Variants in ARAP2 observed in about 807,000 individuals in gnomAD.
ARAP2 encodes the protein arf-GAP with Rho-GAP domain, ANK repeat and PH domain-containing protein 2.
In ARAP2, 148 loss-of-function variants were observed where a neutral mutation model predicts 194.5. That is an observed-to-expected ratio of 0.76 (90% CI 0.67 to 0.87). ARAP2 has a LOEUF of 0.87. Among genes scored for constraint, ARAP2 ranks in the 40% least tolerant of loss-of-function variants. The pLI, the probability that ARAP2 is intolerant of heterozygous loss-of-function variation, is 0.00. For synonymous variants in ARAP2, 695 were observed against 683.5 expected (o/e 1.02, Z -0.26); for missense variants, 2,128 against 1,989.7 (o/e 1.07, Z -1.32).
At chr4:36,156,463 AAGAAAT>A (rs1732547293) in intron 15 of ARAP2, among the ~76,000 whole-genome samples, 1 of 4,482 alleles carries the variant, frequency 2.2e-4, no homozygotes, top group African/African-American at 1.2e-3. Flanking sequence ...GAAAGAAAGA[AAGAAAT>A]GAAAGAGAAG....
chr4:36,043,958 G>T (rs923360857), intron 5 of ARAP2, among the ~76,000 whole-genome samples: 1 of 151,892 alleles, frequency 6.6e-6, no homozygotes, highest in Non-Finnish European at 1.5e-5. Flanking sequence ...GAATTGAATT[G>T]TCTGAGATAC....
Position 36,228,105 on chromosome 4 carries a change from C to T in ARAP2, c.905+477G>A, listed in dbSNP as rs191250147. 7.9e-5 allele frequency among the ~76,000 whole-genome samples: 12 copies of T among 152,248 alleles called. No homozygotes were observed. The South Asian group carries it at 1.5e-3, about 18-fold the overall frequency. ...GTATTCCTCTTTGCATCCTTCCCAC[C>T]GAGCACAGTGACTAAAGACCAAGTT... On this transcript the variant is annotated intron_variant, in intron 2 of 32. Transcript: ENST00000303965.
At position 36,073,684 on chromosome 4, in the gene ARAP2, C is replaced by T. The variant is rs1727570952; in HGVS notation, c.4743+5G>A. The T allele has an allele frequency of 1.2e-6, 2 of 1,610,074 alleles. No homozygotes were observed. Among genetic ancestry groups the T allele is most frequent in the Non-Finnish European group, 1.7e-6 (2 of 1,177,552 alleles). On this transcript the variant is annotated splice_donor_5th_base_variant and intron_variant, in intron 32 of 32. Transcript: ENST00000303965. Reference sequence around the variant, plus strand: ...GAATATAAAACAAACAAAATCCTAACCTACCTCAATATTTTTCCGGGCCAA... The same window carrying T: ...GAATATAAAACAAACAAAATCCTAATCTACCTCAATATTTTTCCGGGCCAA...
intron 1 of ARAP2, among the ~76,000 whole-genome samples, chr4:36,236,112 G>A (rs1315836404): frequency 2.0e-5 from 3 of 151,338 alleles, no homozygotes; most frequent in South Asian, 4.2e-4. Flanking sequence ...TCAGGAGGAG[G>A]AGGTTTCAGT....
chr4:36,083,233 G>C lies in ARAP2; in HGVS notation c.4508+135C>G, dbSNP rs1730016768. 1.1e-5 allele frequency: 7 copies of C among 664,070 alleles called. No homozygotes were observed. The South Asian group carries it at 1.2e-4, about 12-fold the overall frequency. The allele number at this position is 664,070 out of a possible 1,614,324, so 41.1% of individuals were successfully genotyped here. On this transcript the variant is annotated intron_variant, in intron 29 of 32. Coordinates refer to ENST00000303965, the MANE Select transcript of ARAP2 (RefSeq NM_015230.4). Reference sequence around the variant, plus strand: ...ATCTGCCATAAGAACCCTGTGACAGGGGAAGCAACTTAAAAAAAATAGCCT... The same window carrying C: ...ATCTGCCATAAGAACCCTGTGACAGCGGAAGCAACTTAAAAAAAATAGCCT...
chr4:36,106,690 A>G (rs1475494099), intron 27 of ARAP2, among the ~76,000 whole-genome samples: 2 of 151,970 alleles, frequency 1.3e-5, no homozygotes, highest in Non-Finnish European at 2.9e-5. Flanking sequence ...ACTGAATAAT[A>G]TAAGGCAAAT....
intron 4 of ARAP2, 74 bp from the exon 5 acceptor site, chr4:36,212,561 G>T: frequency 1.1e-6 from 1 of 939,446 alleles, no homozygotes; most frequent in Non-Finnish European, 1.6e-6. Context: ...TGTATGTGTA[G>T]CAATATTCTA....
At chr4:36,069,770 C>A (rs1384602839) in intron 32 of ARAP2, among the ~76,000 whole-genome samples, 1 of 152,128 alleles carries the variant, frequency 6.6e-6, no homozygotes, top group Non-Finnish European at 1.5e-5. Context: ...CCACCCAAAT[C>A]TCATGTTCAA....
At chr4:36,221,006 G>A (rs1268367475) in intron 2 of ARAP2, among the ~76,000 whole-genome samples, 1 of 151,982 alleles carries the variant, frequency 6.6e-6, no homozygotes, top group Non-Finnish European at 1.5e-5. Flanking sequence ...ACTCACCCAC[G>A]TTAAGTGCCC....
chr4:36,185,551 C>T (rs991783508), intron 8 of ARAP2, among the ~76,000 whole-genome samples: 4 of 151,984 alleles, frequency 2.6e-5, no homozygotes, highest in Non-Finnish European at 5.9e-5. Flanking sequence ...TATTTATTGA[C>T]TGCTTTTTAT....
intron 19 of ARAP2, among the ~76,000 whole-genome samples, chr4:36,137,974 T>C (rs1213577729): frequency 6.6e-6 from 1 of 151,764 alleles, no homozygotes; most frequent in Non-Finnish European, 1.5e-5. Context: ...AAGCCACTCA[T>C]AATAGAAGAC....
chr4:36,159,256 A>G, intron 14 of ARAP2, 75 bp downstream of exon 14: 9 of 1,326,038 alleles, frequency 6.8e-6, no homozygotes, highest in Non-Finnish European at 8.9e-6. Context: ...TATTTGAAAA[A>G]TCAATAGATT....
chr4:36,113,587 A>G (rs560973461), intron 26 of ARAP2, among the ~76,000 whole-genome samples: 24 of 151,994 alleles, frequency 1.6e-4, no homozygotes, highest in Non-Finnish European at 3.4e-4. Context: ...GTACAAAGAC[A>G]TTCTGTGTAT....
chr4:36,086,888 T>G (rs1712013372), intron 28 of ARAP2, among the ~76,000 whole-genome samples: 1 of 152,126 alleles, frequency 6.6e-6, no homozygotes, highest in South Asian at 2.1e-4. Flanking sequence ...TGAAAGCAAT[T>G]AACATTTTCT....
At chr4:36,079,011 T>C (rs1017920923) in intron 31 of ARAP2, among the ~76,000 whole-genome samples, 2 of 151,542 alleles carry the variant, frequency 1.3e-5, no homozygotes, top group African/African-American at 4.8e-5. Flanking sequence ...CCATCTCTAC[T>C]AAAAATACAA....
At chr4:36,189,028 C>T (rs776061992) in intron 7 of ARAP2, among the ~76,000 whole-genome samples, 70 of 152,148 alleles carry the variant, frequency 4.6e-4, no homozygotes, top group Non-Finnish European at 8.5e-4. Context: ...CCTATCCATT[C>T]TTTAATGTAA....
chr4:36,142,292 T>C (rs550492555), intron 19 of ARAP2, among the ~76,000 whole-genome samples: 1 of 151,786 alleles, frequency 6.6e-6, no homozygotes, highest in East Asian at 1.9e-4. Flanking sequence ...TACTCTCTCT[T>C]AGACCTTCAA....
At chr4:36,204,075 T>A (rs1011429917) in intron 6 of ARAP2, among the ~76,000 whole-genome samples, 5 of 152,076 alleles carry the variant, frequency 3.3e-5, no homozygotes, top group African/African-American at 9.7e-5. Flanking sequence ...CTGAAGAAAC[T>A]TCCTAGTGAG....
intron 9 of ARAP2, among the ~76,000 whole-genome samples, chr4:36,168,909 C>T (rs969435419): frequency 2.6e-5 from 4 of 152,174 alleles, no homozygotes; most frequent in Non-Finnish European, 4.4e-5. Context: ...CTTTTCCAAT[C>T]TGCCGCATTT....
Sources: gnomAD v4.1 joint callset for allele counts (sites outside exome capture counted in the v4.1 genomes callset) on GRCh38, gnomAD v4.1.1 for gene constraint, MANE v1.5 for transcripts, NCBI Gene and HGNC (gene_info 2026-07-23, HGNC 2026-07-21) for gene names.